The following GRM8 variants were observed in gnomAD, a reference collection of about 807,000 sequenced individuals.
The protein encoded by GRM8 is glutamate metabotropic receptor 8.
GRM8 carries 47 observed loss-of-function variants against 87.2 expected under a neutral mutation model. That is an observed-to-expected ratio of 0.54 (90% CI 0.43 to 0.69). GRM8 has a LOEUF of 0.69. GRM8 is among the 30% of genes least tolerant of loss of function. GRM8 has a pLI of 0.00. For missense variants in GRM8, 1,019 were observed against 1,139.2 expected (o/e 0.89, Z 1.52); for synonymous variants, 396 against 404.5 (o/e 0.98, Z 0.25).
intron 7 of GRM8, among the ~76,000 whole-genome samples, chr7:126,729,889 T>C (rs780005233): frequency 1.6e-4 from 25 of 152,290 alleles, no homozygotes; most frequent in Non-Finnish European, 3.2e-4. Flanking sequence ...AAGCTACCTC[T>C]ACTACATTAA....
intron 3 of GRM8, among the ~76,000 whole-genome samples, chr7:127,031,062 T>A (rs1031625751): frequency 6.6e-6 from 1 of 152,118 alleles, no homozygotes; most frequent in African/African-American, 2.4e-5. Flanking sequence ...ATTTGTTATA[T>A]AGGATTAATT....
chr7:126,849,059 G>A (rs1790801380), intron 6 of GRM8, among the ~76,000 whole-genome samples: 1 of 152,142 alleles, frequency 6.6e-6, no homozygotes, highest in East Asian at 1.9e-4. Context: ...ATTATTATGA[G>A]ATCAGCATAG....
rs1024070500 is a variant in GRM8 at position 126,438,778 on chromosome 7, C to G, written c.*341G>C. ...TGTGGGACAGGAACGGGAGTTCTCA[C>G]AATCACAGAAAAATACAAGAATAAC... On this transcript the variant is annotated 3_prime_UTR_variant, in exon 11 of 11. Coordinates refer to ENST00000339582, the MANE Select transcript of GRM8 (RefSeq NM_000845.3). 4.4e-6 allele frequency: 1 copy of G among 228,496 alleles called. No individual in the cohort carries two copies. Among genetic ancestry groups the G allele is most frequent in the Non-Finnish European group, 8.7e-6 (1 of 115,574 alleles). The allele number at this position is 228,496 out of a possible 1,614,324, so 14.2% of individuals were successfully genotyped here. A position where few individuals can be genotyped will look rare whatever the true frequency, so the allele number is the denominator to read the frequency against.
intron 9 of GRM8, among the ~76,000 whole-genome samples, chr7:126,521,560 A>G (rs1812989220): frequency 6.6e-6 from 1 of 152,196 alleles, no homozygotes; most frequent in Non-Finnish European, 1.5e-5. Context: ...ACTTTAAAAA[A>G]TGATTTTAAA....
At chr7:126,631,064 T>A (rs1801205601) in intron 7 of GRM8, among the ~76,000 whole-genome samples, 1 of 152,166 alleles carries the variant, frequency 6.6e-6, no homozygotes, top group Admixed American at 6.6e-5. Flanking sequence ...ATAAAGGGTA[T>A]TCAAATAGGA....
intron 3 of GRM8, among the ~76,000 whole-genome samples, chr7:127,091,703 C>A (rs1824114675): frequency 7.1e-6 from 1 of 140,290 alleles, no homozygotes; most frequent in South Asian, 2.5e-4. Context: ...CTCTGATGAC[C>A]CCCCTGCCAT....
chr7:126,653,229 G>C (rs1345383761), intron 7 of GRM8, among the ~76,000 whole-genome samples: 1 of 149,012 alleles, frequency 6.7e-6, no homozygotes, highest in African/African-American at 2.5e-5. Context: ...TTGATCCCAG[G>C]AGTTTGAGGC....
intron 9 of GRM8, among the ~76,000 whole-genome samples, chr7:126,466,682 T>C (rs1182100222): frequency 6.6e-6 from 1 of 151,768 alleles, no homozygotes; most frequent in Non-Finnish European, 1.5e-5. Context: ...CAGAAAAAAA[T>C]CAGACGCCCC....
At chr7:126,496,398 T>C (rs1808749861) in intron 9 of GRM8, among the ~76,000 whole-genome samples, 1 of 152,018 alleles carries the variant, frequency 6.6e-6, no homozygotes. Context: ...CAGGTAGAAC[T>C]AAAACTCAGT....
intron 3 of GRM8, among the ~76,000 whole-genome samples, chr7:127,067,948 G>A (rs931681032): frequency 3.3e-5 from 5 of 152,126 alleles, no homozygotes; most frequent in Non-Finnish European, 5.9e-5. Flanking sequence ...GAACAGCAAA[G>A]GGAGATATGG....
At chr7:126,700,466 T>G (rs1809809384) in intron 7 of GRM8, among the ~76,000 whole-genome samples, 1 of 152,186 alleles carries the variant, frequency 6.6e-6, no homozygotes, top group African/African-American at 2.4e-5. Flanking sequence ...TCCTAGAACT[T>G]TCTCATTCAT....
chr7:126,548,220 C>T (rs1266437428), intron 8 of GRM8, among the ~76,000 whole-genome samples: 1 of 151,576 alleles, frequency 6.6e-6, no homozygotes, highest in East Asian at 1.9e-4. Context: ...ATGTAGATGG[C>T]GAGTTGATGG....
chr7:127,210,852 T>TATAGGTACCAAGGTACTATAGGTACCAC (rs1421970758), intron 2 of GRM8, among the ~76,000 whole-genome samples: 2 of 152,188 alleles, frequency 1.3e-5, no homozygotes, highest in Admixed American at 6.5e-5. Context: ...TTTAGTACCA[T>TATAGGTACCAAGGTACTATAGGTACCAC]ATAGGTACCA....
intron 7 of GRM8, among the ~76,000 whole-genome samples, chr7:126,713,292 T>C (rs1811326251): frequency 6.6e-6 from 1 of 152,198 alleles, no homozygotes; most frequent in Non-Finnish European, 1.5e-5. Flanking sequence ...TCATATCCTC[T>C]GCAGGGACAG....
At chr7:127,008,045 C>T (rs1039144769) in intron 3 of GRM8, among the ~76,000 whole-genome samples, 17 of 151,778 alleles carry the variant, frequency 1.1e-4, no homozygotes, top group South Asian at 2.1e-4. Context: ...GGCTTTCATA[C>T]GAAAGTGTAA....
In GRM8 at chr7:126,533,522, T is replaced by A; in HGVS notation, c.1860A>T (p.Glu620Asp). Residue 620 changes from glutamate (E) to aspartate (D), a missense_variant, in exon 9 of 11, where the codon GAA (glutamate) becomes GAT (aspartate). Physicochemically the swap from Glu to Asp is conservative, Grantham distance 45 (BLOSUM62 2). Coordinates refer to ENST00000339582, the MANE Select transcript of GRM8 (RefSeq NM_000845.3). ...DTPIVRASGRELSYVLLTGIF... is the reference protein window; with the variant it reads ...DTPIVRASGRDLSYVLLTGIF... ...TCCCCGTTAGGAGCACGTAACTAAG[T>A]TCGCGTCCTGAAGCCCTCACGATAG... 1 of 1,614,056 alleles carries A rather than the reference T, an allele frequency of 6.2e-7. No homozygotes were observed. The highest frequency in any genetic ancestry group is 8.5e-7 in the Non-Finnish European group (1 of 1,179,980).
intron 3 of GRM8, among the ~76,000 whole-genome samples, chr7:126,996,227 G>T (rs1034732808): frequency 3.9e-5 from 6 of 152,010 alleles, no homozygotes; most frequent in African/African-American, 1.4e-4. Flanking sequence ...ATCTGAAAGA[G>T]AAGGACAATA....
At chr7:126,857,114 T>G (rs1396409303) in intron 6 of GRM8, among the ~76,000 whole-genome samples, 1 of 152,150 alleles carries the variant, frequency 6.6e-6, no homozygotes, top group Non-Finnish European at 1.5e-5. Context: ...ACATAATTAC[T>G]CACTAGAGAA....
chr7:126,690,940 C>A (rs1808738211), intron 7 of GRM8, among the ~76,000 whole-genome samples: 1 of 152,104 alleles, frequency 6.6e-6, no homozygotes, highest in Non-Finnish European at 1.5e-5. Flanking sequence ...GTAGTGAATG[C>A]TGATTGGTCC....
Sources: gnomAD v4.1 joint callset for allele counts (sites outside exome capture counted in the v4.1 genomes callset) on GRCh38, gnomAD v4.1.1 for gene constraint, MANE v1.5 for transcripts, NCBI Gene and HGNC (gene_info 2026-07-23, HGNC 2026-07-21) for gene names.